The following CDH4 variants were observed in gnomAD, a reference collection of about 807,000 sequenced individuals.
The protein encoded by CDH4 is cadherin-4.
A neutral mutation model predicts 86.0 loss-of-function variants in CDH4; 33 were observed. That is an observed-to-expected ratio of 0.38 (90% CI 0.29 to 0.51). The LOEUF (loss-of-function observed/expected upper bound fraction) is 0.51. CDH4 is among the 20% of genes least tolerant of loss of function. The probability of loss-of-function intolerance (pLI) is 0.86; values close to 1 mark genes in which losing one functional copy is unlikely to be tolerated. For missense variants in CDH4, 1,114 were observed against 1,307.4 expected (o/e 0.85, Z 2.28); for synonymous variants, 555 against 549.4 (o/e 1.01, Z -0.14).
intron 2 of CDH4, among the ~76,000 whole-genome samples, chr20:61,309,343 C>T (rs944817290): frequency 6.9e-6 from 1 of 144,760 alleles, no homozygotes; most frequent in Non-Finnish European, 1.5e-5. Flanking sequence ...TAGAGGTGTT[C>T]AGCTGTCTTC....
intron 2 of CDH4, among the ~76,000 whole-genome samples, chr20:61,295,389 C>A (rs567440894): frequency 1.3e-5 from 2 of 152,328 alleles, no homozygotes; most frequent in Admixed American, 6.5e-5. Flanking sequence ...CAGGCTCACA[C>A]CCCGCTCTGT....
intron 7 of CDH4, among the ~76,000 whole-genome samples, chr20:61,893,685 G>A (rs893251770): frequency 6.7e-6 from 1 of 149,510 alleles, no homozygotes; most frequent in South Asian, 2.2e-4. Flanking sequence ...TGGATGAGTG[G>A]GTGAGTGGAT....
intron 2 of CDH4, among the ~76,000 whole-genome samples, chr20:61,715,364 A>C (rs2145904283): frequency 6.6e-6 from 1 of 152,264 alleles, no homozygotes; most frequent in Admixed American, 6.5e-5. Context: ...TATGGAGAAA[A>C]GTGTATTTGA....
At chr20:61,540,417 G>T (rs1051435102) in intron 2 of CDH4, among the ~76,000 whole-genome samples, 2 of 152,160 alleles carry the variant, frequency 1.3e-5, no homozygotes, top group African/African-American at 4.8e-5. Flanking sequence ...ATGATAGGAG[G>T]GAAGTGCCCA....
intron 2 of CDH4, among the ~76,000 whole-genome samples, chr20:61,323,710 G>A (rs1233903525): frequency 6.6e-6 from 1 of 152,124 alleles, no homozygotes; most frequent in East Asian, 1.9e-4. Flanking sequence ...GGGGCCACAG[G>A]GACTGTGGCT....
At position 61,743,753 on chromosome 20, in the gene CDH4, G is replaced by C; in HGVS notation, c.360G>C (p.Leu120=). 1 of 1,609,484 alleles carries C rather than the reference G, an allele frequency of 6.2e-7. No homozygotes were observed. Among genetic ancestry groups the C allele is most frequent in the Non-Finnish European group, 8.5e-7 (1 of 1,178,290 alleles). The part of the protein sequence containing the change: ...AEKWDAVVRL[L]VAQTSSPHSG... ...AATGGGACGCCGTGGTGCGGTTGCTGGTGGCCCAGACCTCGTCCCCGCACT... is the reference window on the plus strand; with the variant it reads ...AATGGGACGCCGTGGTGCGGTTGCTCGTGGCCCAGACCTCGTCCCCGCACT... The change falls in exon 3 of 16, where the codon CTG becomes CTC. Residue 120 remains leucine (L), a synonymous_variant. Transcript: ENST00000614565.
intron 3 of CDH4, among the ~76,000 whole-genome samples, chr20:61,755,368 CCACACA>C (rs35461836): frequency 0.064 from 9,219 of 144,718 alleles, 368 homozygotes; most frequent in South Asian, 0.13. Context: ...GCCACACACA[CCACACA>C]CACACACACA....
At chr20:61,376,201 GGTGGTGCCAATGCCA>G (rs1231885710) in intron 2 of CDH4, among the ~76,000 whole-genome samples, 5 of 152,086 alleles carry the variant, frequency 3.3e-5, no homozygotes, top group South Asian at 4.2e-4. Context: ...TGGGTGTGGT[GGTGGTGCCAATGCCA>G]GTGGTGGCAT....
intron 2 of CDH4, among the ~76,000 whole-genome samples, chr20:61,504,789 G>A (rs564581566): frequency 2.0e-5 from 3 of 152,344 alleles, no homozygotes; most frequent in South Asian, 4.1e-4. Context: ...ATGGCTGTGC[G>A]TGGTGGCACT....
chr20:61,774,152 G>A (rs538204955), intron 4 of CDH4, among the ~76,000 whole-genome samples: 1 of 152,366 alleles, frequency 6.6e-6, no homozygotes, highest in East Asian at 1.9e-4. Context: ...TCTGCACAGA[G>A]CCGGCCCTCC....
intron 2 of CDH4, among the ~76,000 whole-genome samples, chr20:61,473,264 T>C (rs1327374494): frequency 6.6e-6 from 1 of 152,246 alleles, no homozygotes; most frequent in Non-Finnish European, 1.5e-5. Context: ...CACTTTTATC[T>C]TAATATGATG....
rs1490313315 is a variant in CDH4 at position 61,938,177 on chromosome 20, C to A, written c.*1234C>A. 1 of 152,290 alleles carries A rather than the reference C, an allele frequency of 6.6e-6. No homozygotes were observed. Among genetic ancestry groups the A allele is most frequent in the African/African-American group, 2.4e-5 (1 of 41,440 alleles). The allele number at this position is 152,290 out of a possible 1,614,324, so 9.4% of individuals were successfully genotyped here. A position where few individuals can be genotyped will look rare whatever the true frequency, so the allele number is the denominator to read the frequency against. On this transcript the variant is annotated 3_prime_UTR_variant, in exon 16 of 16. Coordinates refer to ENST00000614565, the MANE Select transcript of CDH4 (RefSeq NM_001794.5). ...GACGGTGCCTCTCCTCTCCTATGGACCCTCGTCGGGGGCAGGCAGCGGCCG... is the reference window on the plus strand; with the variant it reads ...GACGGTGCCTCTCCTCTCCTATGGAACCTCGTCGGGGGCAGGCAGCGGCCG...
chr20:61,743,866 G>GC, intron 3 of CDH4, 77 bp downstream of exon 3: 2 of 1,129,284 alleles, frequency 1.8e-6, no homozygotes, highest in Non-Finnish European at 2.6e-6. Context: ...CAGAGCCTCT[G>GC]CCAGGGCTCC....
At chr20:61,639,585 G>A (rs1401936123) in intron 2 of CDH4, among the ~76,000 whole-genome samples, 3 of 152,122 alleles carry the variant, frequency 2.0e-5, no homozygotes, top group Non-Finnish European at 4.4e-5. Context: ...GATGAGACCC[G>A]GAGTGCAACA....
At position 61,484,590 on chromosome 20, in the gene CDH4, C is replaced by T. The variant is rs144556693; in HGVS notation, c.169+229653C>T. Among the ~76,000 whole-genome samples the T allele has an allele frequency of 2.8e-4, 42 of 152,328 alleles. No individual in the cohort carries two copies. The East Asian group carries it at 7.9e-3, about 29-fold the overall frequency. ...AGCCCTGGAGCCAGTGCCAGCTTCA[C>T]GCAGTCAGTCAGGAAGAACGTGGAC... On this transcript the variant is annotated intron_variant, in intron 2 of 15. Coordinates refer to ENST00000614565, the MANE Select transcript of CDH4 (RefSeq NM_001794.5).
At chr20:61,465,293 T>C (rs544403141) in intron 2 of CDH4, among the ~76,000 whole-genome samples, 3 of 152,234 alleles carry the variant, frequency 2.0e-5, no homozygotes, top group Non-Finnish European at 2.9e-5. Context: ...GTTGGAATTA[T>C]GCATTTTAAA....
chr20:61,472,986 G>A (rs984021963), intron 2 of CDH4, among the ~76,000 whole-genome samples: 7 of 152,118 alleles, frequency 4.6e-5, no homozygotes, highest in African/African-American at 1.4e-4. Context: ...ATACCCAACC[G>A]GGTGTGGGTA....
At chr20:61,778,448 T>C (rs1978363155) in intron 4 of CDH4, among the ~76,000 whole-genome samples, 1 of 152,108 alleles carries the variant, frequency 6.6e-6, no homozygotes, top group Admixed American at 6.5e-5. Context: ...GGAAGGAATA[T>C]CACGTCTCTT....
Position 61,516,760 on chromosome 20 carries a change from C to A in CDH4, c.170-226803C>A. Among the ~76,000 whole-genome samples, 1 of 152,296 alleles carries A rather than the reference C, an allele frequency of 6.6e-6. No homozygotes were observed. The highest frequency in any genetic ancestry group is 2.1e-4 in the South Asian group (1 of 4,818). On this transcript the variant is annotated intron_variant, in intron 2 of 15. Coordinates refer to ENST00000614565, the MANE Select transcript of CDH4 (RefSeq NM_001794.5). The surrounding 1 kb of genome is among the most constrained non-coding windows in gnomAD (Gnocchi z 4.0). Reference sequence around the variant, plus strand: ...GCAGGCACTAAAAATAACCAGGCTCCGTTCCCAGGTCAGTGAGTGTCGGTT... The same window carrying A: ...GCAGGCACTAAAAATAACCAGGCTCAGTTCCCAGGTCAGTGAGTGTCGGTT...
Sources: allele counts gnomAD v4.1 joint callset (sites outside exome capture counted in the v4.1 genomes callset), GRCh38; gene constraint gnomAD v4.1.1; non-coding constraint Gnocchi (gnomAD v3.1); transcripts MANE v1.5; gene names NCBI Gene and HGNC (gene_info 2026-07-23, HGNC 2026-07-21).